The following CENPW variants were observed in gnomAD, a reference collection of about 807,000 sequenced individuals.
CENPW encodes cancer-up-regulated gene 2 protein.
Under a neutral mutation model 11.1 loss-of-function variants are expected in CENPW, and 3 were observed. The observed-to-expected ratio is 0.27, with a 90% CI of 0.12 to 0.70. The LOEUF is 0.70. Among genes scored for constraint, CENPW ranks in the 30% least tolerant of loss-of-function variants. The pLI is 0.77. For missense variants in CENPW, 100 were observed against 105.6 expected (o/e 0.95, Z 0.23); for synonymous variants, 38 against 42.0 (o/e 0.91, Z 0.37).
the CENPW span, among the ~76,000 whole-genome samples, chr6:126,403,001 T>C: frequency 6.6e-6 from 1 of 152,090 alleles, no homozygotes; most frequent in South Asian, 2.1e-4. Flanking sequence ...ATTCTTGCAG[T>C]ATTTCATACA....
At position 126,342,678 on chromosome 6, in the gene CENPW, AATCTT is replaced by A. The variant is rs1765012443; in HGVS notation, c.126+2285_126+2289del. 2.0e-5 allele frequency among the ~76,000 whole-genome samples: 3 copies of A among 152,206 alleles called. No individual in the cohort carries two copies. In the South Asian group the frequency reaches 6.2e-4, roughly 32 times the overall value. On this transcript the variant is annotated intron_variant, in intron 1 of 2. Coordinates refer to ENST00000368328, the MANE Select transcript of CENPW (RefSeq NM_001012507.4). ...TTCCTTAATGTCCTTAGAAAGGATC[AATCTT>A]ATCTTCTTCTCCATCATCTATTGTC...
the CENPW span, among the ~76,000 whole-genome samples, chr6:126,409,600 G>A: frequency 2.6e-5 from 4 of 151,638 alleles, no homozygotes; most frequent in African/African-American, 7.3e-5. Flanking sequence ...CTGGTGCTTC[G>A]TGCATACATA....
At chr6:126,381,773 A>G in the CENPW span, among the ~76,000 whole-genome samples, 97 of 152,302 alleles carry the variant, frequency 6.4e-4, no homozygotes, top group African/African-American at 2.2e-3. Context: ...GTCCAAGAGC[A>G]TCTTGGTCCT....
chr6:126,445,576 T>C, the CENPW span, among the ~76,000 whole-genome samples: 2 of 151,200 alleles, frequency 1.3e-5, no homozygotes, highest in African/African-American at 4.8e-5. Flanking sequence ...GCCATTGTTA[T>C]ATCCTACCAT....
At chr6:126,466,466 C>G in the CENPW span, among the ~76,000 whole-genome samples, 1 of 152,138 alleles carries the variant, frequency 6.6e-6, no homozygotes, top group South Asian at 2.1e-4. Flanking sequence ...GACCAGATTT[C>G]TCATTTTTGG....
chr6:126,462,251 C>A, the CENPW span, among the ~76,000 whole-genome samples: 8 of 151,916 alleles, frequency 5.3e-5, no homozygotes, highest in East Asian at 1.6e-3. Flanking sequence ...TTAACATATC[C>A]ATCATCTCGG....
chr6:126,378,171 A>G, the CENPW span, among the ~76,000 whole-genome samples: 1 of 152,170 alleles, frequency 6.6e-6, no homozygotes, highest in Non-Finnish European at 1.5e-5. Context: ...ACCTTGCTAG[A>G]ATGGGTAATA....
At chr6:126,478,183 C>G in the CENPW span, among the ~76,000 whole-genome samples, 1 of 151,932 alleles carries the variant, frequency 6.6e-6, no homozygotes. Context: ...AATAGCTTCT[C>G]CCTGACTTAA....
At chr6:126,394,776 C>T in the CENPW span, among the ~76,000 whole-genome samples, 1 of 151,960 alleles carries the variant, frequency 6.6e-6, no homozygotes, top group Non-Finnish European at 1.5e-5. Flanking sequence ...ATTTCTCCTT[C>T]ATCTTTGAAG....
chr6:126,481,216 GATT>G, the CENPW span, among the ~76,000 whole-genome samples: 1 of 152,024 alleles, frequency 6.6e-6, no homozygotes, highest in Middle Eastern at 3.4e-3. Flanking sequence ...CTGAGCTTCA[GATT>G]ACATGGAATT....
At chr6:126,478,233 A>G in the CENPW span, among the ~76,000 whole-genome samples, 1 of 151,964 alleles carries the variant, frequency 6.6e-6, no homozygotes, top group Admixed American at 6.6e-5. Context: ...AGACAATCAC[A>G]GTGATTGGTC....
chr6:126,431,984 G>C, the CENPW span, among the ~76,000 whole-genome samples: 1 of 141,288 alleles, frequency 7.1e-6, no homozygotes, highest in Non-Finnish European at 1.5e-5. Context: ...AGAATCGCTT[G>C]AACCCAGAAG....
chr6:126,401,732 TCACCAAGCCCTG>T, the CENPW span, among the ~76,000 whole-genome samples: 1 of 151,980 alleles, frequency 6.6e-6, no homozygotes, highest in African/African-American at 2.4e-5. Context: ...GCTGAATCCG[TCACCAAGCCCTG>T]TACCACAAAG....
chr6:126,364,021 G>A, the CENPW span, among the ~76,000 whole-genome samples: 17 of 152,268 alleles, frequency 1.1e-4, no homozygotes, highest in Admixed American at 3.9e-4. Context: ...TAATAGCACA[G>A]AGTTAATTGT....
At chr6:126,368,896 C>T in the CENPW span, among the ~76,000 whole-genome samples, 3 of 151,974 alleles carry the variant, frequency 2.0e-5, no homozygotes, top group Non-Finnish European at 2.9e-5. Flanking sequence ...CCACGTGACT[C>T]GCCTCCCAAA....
the CENPW span, among the ~76,000 whole-genome samples, chr6:126,440,630 C>G: frequency 1.3e-5 from 2 of 149,348 alleles, no homozygotes; most frequent in African/African-American, 5.1e-5. Flanking sequence ...TCATATCAAA[C>G]AAACTGAACA....
rs566161760 is a variant in CENPW, at chr6:126,344,033, A to T, written c.127-2172A>T. Among the ~76,000 whole-genome samples, 178 of 151,980 alleles carry T rather than the reference A, an allele frequency of 1.2e-3. 1 individual carries two copies. Among genetic ancestry groups the T allele is most frequent in the African/African-American group, 3.8e-3 (159 of 41,310 alleles). On this transcript the variant is annotated intron_variant, in intron 1 of 2. Transcript: ENST00000368328. ...TTTAATTGGGTCTGATTTAAAAAAA[A>T]ATTTTTTTGCCTTATCTGGGGAGAT...
At chr6:126,411,163 T>C in the CENPW span, among the ~76,000 whole-genome samples, 1 of 152,184 alleles carries the variant, frequency 6.6e-6, no homozygotes, top group Non-Finnish European at 1.5e-5. Context: ...GCAGTTGGGC[T>C]TATGTGTGCC....
At chr6:126,390,765 C>A in the CENPW span, among the ~76,000 whole-genome samples, 1 of 151,886 alleles carries the variant, frequency 6.6e-6, no homozygotes, top group South Asian at 2.1e-4. Flanking sequence ...AACATAATAA[C>A]CTCCAGTGCA....
Sources: gnomAD v4.1 joint callset for allele counts (sites outside exome capture counted in the v4.1 genomes callset) on GRCh38, gnomAD v4.1.1 for gene constraint, MANE v1.5 for transcripts, NCBI Gene and HGNC (gene_info 2026-07-23, HGNC 2026-07-21) for gene names.